The following NBR1 variants were observed in gnomAD, a reference collection of about 807,000 sequenced individuals.
The protein encoded by NBR1 is next to BRCA1 gene 1 protein.
Under a neutral mutation model 115.5 loss-of-function variants are expected in NBR1, and 59 were observed. The observed-to-expected ratio is 0.51, with a 90% CI of 0.41 to 0.63. The LOEUF (loss-of-function observed/expected upper bound fraction) is 0.63. NBR1 is among the 30% of genes least tolerant of loss of function. The pLI is 0.00. For missense variants in NBR1, 1,043 were observed against 1,150.5 expected (o/e 0.91, Z 1.35); for synonymous variants, 373 against 414.7 (o/e 0.90, Z 1.22).
intron 13 of NBR1, chr17:43,194,703 C>T (rs2057027125): frequency 6.1e-6 from 4 of 659,292 alleles, no homozygotes; most frequent in African/African-American, 5.5e-5. Flanking sequence ...CAATCCTGTA[C>T]TTCCCCACAA....
chr17:43,195,305 C>G, intron 14 of NBR1: 1 of 426,742 alleles, frequency 2.3e-6, no homozygotes, highest in South Asian at 2.6e-5. Context: ...GGTTTGAGAC[C>G]AGCCTGGGCA....
intron 2 of NBR1, among the ~76,000 whole-genome samples, chr17:43,177,186 T>C (rs1184061901): frequency 6.6e-6 from 1 of 151,196 alleles, no homozygotes; most frequent in Non-Finnish European, 1.5e-5. Flanking sequence ...GGTGGGCGAA[T>C]TGCTTGAGTG....
intron 1 of NBR1, among the ~76,000 whole-genome samples, chr17:43,174,108 A>G (rs1328757048): frequency 1.3e-5 from 2 of 152,302 alleles, no homozygotes; most frequent in East Asian, 3.9e-4. Flanking sequence ...TTAGAGGTAC[A>G]TACTCAATTC....
In NBR1 at chr17:43,209,898, C is replaced by T. The variant is rs772887295; in HGVS notation, c.2728-3C>T. On this transcript the variant is annotated splice_polypyrimidine_tract_variant and splice_region_variant and intron_variant, in intron 20 of 20. Coordinates refer to ENST00000590996, the MANE Select transcript of NBR1 (RefSeq NM_005899.5). ...TTTTTTTGCTTTGCTTGTCTCTACA[C>T]AGCCAATAATTTCTGAAGATCAGAC... The T allele has an allele frequency of 2.5e-5, 38 of 1,513,544 alleles. No homozygotes were observed. Among genetic ancestry groups the T allele is most frequent in the African/African-American group, 2.5e-4 (17 of 69,280 alleles). The allele number at this position is 1,513,544 out of a possible 1,614,324, so 93.8% of individuals were successfully genotyped here. A position where few individuals can be genotyped will look rare whatever the true frequency, so the allele number is the denominator to read the frequency against.
Position 43,189,060 on chromosome 17 carries a change from T to C in NBR1, c.421T>C (p.Cys141Arg), listed in dbSNP as rs2056884175. Residue 141 changes from cysteine to arginine, a missense_variant, in exon 7 of 21, where the codon TGT becomes CGT. Physicochemically the swap from Cys to Arg is radical, Grantham distance 180. Coordinates refer to ENST00000590996, the MANE Select transcript of NBR1 (RefSeq NM_005899.5). Reference protein sequence around the residue: ...PAVQSFPLVPCDTDQPQDKPP... With the variant: ...PAVQSFPLVPRDTDQPQDKPP... ...CTCCCAGTCGTTTCCACTTGTTCCATGTGACACAGACCAGCCTCAAGACAA... is the reference window on the plus strand; with the variant it reads ...CTCCCAGTCGTTTCCACTTGTTCCACGTGACACAGACCAGCCTCAAGACAA... The C allele has an allele frequency of 6.2e-7, 1 of 1,608,568 alleles. No individual in the cohort carries two copies. The highest frequency in any genetic ancestry group is 8.5e-7 in the Non-Finnish European group (1 of 1,175,690).
Position 43,206,243 on chromosome 17 carries a change from G to A in NBR1, c.2727+2457G>A, listed in dbSNP as rs144085705. ...GGCAGGATGCTGTGTTATGAGGTTTGGATTTTATTTTAAGGCTAATTAATA... is the reference window on the plus strand; with the variant it reads ...GGCAGGATGCTGTGTTATGAGGTTTAGATTTTATTTTAAGGCTAATTAATA... On this transcript the variant is annotated intron_variant, in intron 20 of 20. Transcript: ENST00000590996. 1.8e-3 allele frequency among the ~76,000 whole-genome samples: 270 copies of A among 151,974 alleles called. 2 individuals are homozygous for A. Among genetic ancestry groups the A allele is most frequent in the African/African-American group, 6.0e-3 (249 of 41,456 alleles).
At chr17:43,195,072 T>G (rs746368459) in intron 14 of NBR1, 33 bp downstream of exon 14, 1 of 1,562,874 alleles carries the variant, frequency 6.4e-7, no homozygotes, top group South Asian at 1.1e-5. Context: ...CTTGTTCGTC[T>G]TACTAATAGG....
At position 43,175,880 on chromosome 17, in the gene NBR1, T is replaced by G; in HGVS notation, c.81T>G (p.Thr27=). ...SFLVSDPENT[T]WADIEAMVKV... Reference sequence around the variant, plus strand: ...TGGTTTCTGATCCAGAAAATACAACTTGGGCTGATATCGAAGCTATGGTGA... The same window carrying G: ...TGGTTTCTGATCCAGAAAATACAACGTGGGCTGATATCGAAGCTATGGTGA... The change falls in exon 2 of 21, where the codon ACT becomes ACG. Residue 27 remains threonine (T), a synonymous_variant. Coordinates refer to ENST00000590996, the MANE Select transcript of NBR1 (RefSeq NM_005899.5). 3.1e-6 allele frequency: 5 copies of G among 1,599,662 alleles called. No homozygotes were observed. Among genetic ancestry groups the G allele is most frequent in the East Asian group, 2.2e-5 (1 of 44,792 alleles).
chr17:43,195,099 C>A, intron 14 of NBR1, 60 bp downstream of exon 14: 2 of 1,282,058 alleles, frequency 1.6e-6, no homozygotes, highest in Non-Finnish European at 2.3e-6. Context: ...AGTACCACAG[C>A]CTAGACACTG....
chr17:43,194,004 T>C (rs758687761), intron 12 of NBR1, among the ~76,000 whole-genome samples: 42 of 152,348 alleles, frequency 2.8e-4, no homozygotes, highest in Admixed American at 9.2e-4. Context: ...GTATGTTCCC[T>C]AAATACTAAT....
At chr17:43,191,304 AT>A in intron 9 of NBR1, 67 bp from the exon 10 acceptor site, 3 of 1,166,904 alleles carry the variant, frequency 2.6e-6, no homozygotes, top group Non-Finnish European at 3.7e-6. Context: ...GGAAATTGCA[AT>A]TGGCTCCACA....
chr17:43,197,044 G>C lies in NBR1; in HGVS notation c.1964G>C (p.Arg655Pro), dbSNP rs1026350245. ...CAGTTTGTGTGTGAGACAGTAATCC[G>C]ATCCCTTACCTTGGATGCTGCCCCA... is the stretch of plus-strand genomic sequence containing the variant. The part of the protein sequence containing the change: ...GTQFVCETVI[R>P]SLTLDAAPDH... The change falls in exon 16 of 21, where the codon CGA (arginine) becomes CCA (proline). Residue 655 changes from arginine to proline, a missense_variant. Transcript: ENST00000590996. 6 of 1,613,986 alleles carry C rather than the reference G, an allele frequency of 3.7e-6. No homozygotes were observed. The highest frequency in any genetic ancestry group is 4.2e-6 in the Non-Finnish European group (5 of 1,179,866).
At chr17:43,192,993 C>A in intron 10 of NBR1, 101 bp from the exon 11 acceptor site, 1 of 1,187,734 alleles carries the variant, frequency 8.4e-7, no homozygotes, top group Non-Finnish European at 1.2e-6. Flanking sequence ...AATGGGTTAG[C>A]ACATTTTCAA....
At chr17:43,199,382 C>CT (rs543878715) in intron 16 of NBR1, among the ~76,000 whole-genome samples, 52 of 142,746 alleles carry the variant, frequency 3.6e-4, no homozygotes, top group South Asian at 6.7e-4. Flanking sequence ...GCCTGGGTAG[C>CT]TTTTTTTTTT....
In NBR1 at chr17:43,194,364, G is replaced by A; in HGVS notation, c.1539G>A (p.Leu513=). 6.2e-7 allele frequency: 1 copy of A among 1,613,346 alleles called. No individual in the cohort carries two copies. Among genetic ancestry groups the A allele is most frequent in the Non-Finnish European group, 8.5e-7 (1 of 1,179,618 alleles). ...LTCQQEETFL[L]AKEERQLGEV... ...TGTCTCTATAGGAAACTTTTCTTCTGGCTAAAGAAGAAAGACAGCTTGGTG... is the reference window on the plus strand; with the variant it reads ...TGTCTCTATAGGAAACTTTTCTTCTAGCTAAAGAAGAAAGACAGCTTGGTG... The change falls in exon 13 of 21, where the codon CTG becomes CTA. Residue 513 remains leucine (L), a synonymous_variant. Transcript: ENST00000590996.
In NBR1 at chr17:43,185,026, T is replaced by C. The variant is rs1416520839; in HGVS notation, c.208-1224T>C. On this transcript the variant is annotated intron_variant, in intron 5 of 20. Coordinates refer to ENST00000590996, the MANE Select transcript of NBR1 (RefSeq NM_005899.5). ...ATCGCTTGAACCCGGGAGGTGGAGT[T>C]TGCAGTGAGCCGAGATTGCATCACT... Among the ~76,000 whole-genome samples, 3 of 151,240 alleles carry C rather than the reference T, an allele frequency of 2.0e-5. 1 individual carries two copies. The highest frequency in any genetic ancestry group is 7.3e-5 in the African/African-American group (3 of 41,098).
At chr17:43,181,673 A>AAAAC (rs200715604) in intron 5 of NBR1, among the ~76,000 whole-genome samples, 1 of 150,932 alleles carries the variant, frequency 6.6e-6, no homozygotes. Flanking sequence ...CAAAACAAAA[A>AAAAC]AAACAAACAA....
chr17:43,182,752 C>G (rs1298183734), intron 5 of NBR1, among the ~76,000 whole-genome samples: 2 of 151,692 alleles, frequency 1.3e-5, no homozygotes, highest in African/African-American at 2.4e-5. Context: ...GATGTAGTTA[C>G]CCATTGAATG....
At chr17:43,180,857 A>G in intron 5 of NBR1, 40 bp downstream of exon 5, 2 of 1,362,960 alleles carry the variant, frequency 1.5e-6, no homozygotes, top group East Asian at 3.0e-5. Context: ...AATTTAAAAA[A>G]TATTATTATG....
Sources: gnomAD v4.1 joint callset for allele counts (sites outside exome capture counted in the v4.1 genomes callset) on GRCh38, gnomAD v4.1.1 for gene constraint, MANE v1.5 for transcripts, NCBI Gene and HGNC (gene_info 2026-07-23, HGNC 2026-07-21) for gene names.